Variants in MYO6 observed in about 807,000 individuals in gnomAD.
The protein encoded by MYO6 is myosin VI.
MYO6 carries 74 observed loss-of-function variants against 178.7 expected under a neutral mutation model. The observed-to-expected ratio is 0.41, with a 90% CI of 0.34 to 0.50. The LOEUF is 0.50. Among genes scored for constraint, MYO6 ranks in the 20% least tolerant of loss-of-function variants. The pLI, the probability that MYO6 is intolerant of heterozygous loss-of-function variation, is 0.09. For synonymous variants in MYO6, 477 were observed against 504.6 expected, an observed-to-expected ratio of 0.95 and a Z score of 0.73; for missense variants, 1,330 against 1,547.4, an observed-to-expected ratio of 0.86 and a Z score of 2.36.
chr6:75,842,908 C>G (rs1036583302), intron 9 of MYO6, among the ~76,000 whole-genome samples: 4 of 152,088 alleles, frequency 2.6e-5, no homozygotes, highest in Non-Finnish European at 5.9e-5. Flanking sequence ...CCTGAAAGGG[C>G]AGCTATTGAA....
Position 75,905,682 on chromosome 6 carries a change from C to T in MYO6, c.3177-1923C>T, listed in dbSNP as rs563246381. ...AAATGCAGAAATCACCCGTCTTCTG[C>T]GTCGCTCACGCTGGGAGCTGTACAT... On this transcript the variant is annotated intron_variant, in intron 30 of 34. Coordinates refer to ENST00000369977, the MANE Select transcript of MYO6 (RefSeq NM_004999.4). Among the ~76,000 whole-genome samples, 357 of 152,358 alleles carry T rather than the reference C, an allele frequency of 2.3e-3. 3 individuals carry two copies. The highest frequency in any genetic ancestry group is 3.4e-3 in the Non-Finnish European group (233 of 68,040).
intron 2 of MYO6, among the ~76,000 whole-genome samples, chr6:75,819,953 G>T (rs1050889716): frequency 1.3e-5 from 2 of 152,122 alleles, no homozygotes; most frequent in Admixed American, 6.5e-5. Context: ...TCTGGTGGCT[G>T]AAGTGCACTT....
At chr6:75,894,757 ATGTATATAT>A in intron 28 of MYO6, 1 of 1,231,716 alleles carries the variant, frequency 8.1e-7, no homozygotes, top group Non-Finnish European at 1.1e-6. Context: ...GTGTTAAAAA[ATGTATATAT>A]TATAGATAGA....
intron 1 of MYO6, among the ~76,000 whole-genome samples, chr6:75,799,912 C>T (rs1363702830): frequency 1.3e-5 from 2 of 152,128 alleles, no homozygotes; most frequent in Non-Finnish European, 2.9e-5. Flanking sequence ...AGTTATTCCC[C>T]TTCCCCCAAT....
At chr6:75,767,604 C>T (rs920740183) in intron 1 of MYO6, among the ~76,000 whole-genome samples, 1 of 147,524 alleles carries the variant, frequency 6.8e-6, no homozygotes, top group Non-Finnish European at 1.5e-5. Context: ...ATTGCAGTCT[C>T]TGTCTTCCGG....
intron 1 of MYO6, among the ~76,000 whole-genome samples, chr6:75,777,038 C>A (rs77471626): frequency 0.016 from 2,461 of 152,220 alleles, 65 homozygotes; most frequent in African/African-American, 0.057. Context: ...GGTTTTTCCT[C>A]TCTTAACAGT....
At chr6:75,824,389 A>G (rs2150190974) in intron 3 of MYO6, among the ~76,000 whole-genome samples, 1 of 152,334 alleles carries the variant, frequency 6.6e-6, no homozygotes. Context: ...AAACCACATT[A>G]TTAACACAAC....
rs185800742 is a variant in MYO6 at position 75,774,010 on chromosome 6, A to G, written c.-48+24587A>G. The stretch of plus-strand genomic sequence containing the variant: ...GGTGACTGGGAAATTTCATTTCTAG[A>G]CCTGGAATTTATGGTTGTTGTTTCT... On this transcript the variant is annotated intron_variant, in intron 1 of 34. Transcript: ENST00000369977. Among the ~76,000 whole-genome samples, 8 of 152,304 alleles carry G rather than the reference A, an allele frequency of 5.3e-5. No homozygotes were observed. The East Asian group carries it at 1.5e-3, about 29-fold the overall frequency.
At chr6:75,810,310 C>T (rs1344721399) in intron 1 of MYO6, among the ~76,000 whole-genome samples, 2 of 152,126 alleles carry the variant, frequency 1.3e-5, no homozygotes, top group Non-Finnish European at 2.9e-5. Context: ...GACAGCTTTG[C>T]AGGGCCATTT....
intron 20 of MYO6, 67 bp from the exon 21 acceptor site, chr6:75,879,753 C>A (rs561203712): frequency 1.2e-6 from 2 of 1,610,336 alleles, no homozygotes; most frequent in Admixed American, 1.7e-5. Flanking sequence ...CAAAAATGAT[C>A]ATTCACAAAT....
chr6:75,768,856 G>T (rs1360422012), intron 1 of MYO6, among the ~76,000 whole-genome samples: 1 of 152,152 alleles, frequency 6.6e-6, no homozygotes, highest in Non-Finnish European at 1.5e-5. Context: ...AATTTATAAA[G>T]AAAAGAGGTT....
chr6:75,895,623 C>T (rs3857468), intron 29 of MYO6, among the ~76,000 whole-genome samples: 115,180 of 151,450 alleles, frequency 0.76, 45,420 homozygotes, highest in Middle Eastern at 0.87. Context: ...GTTCAAGCGA[C>T]TCTCCTGCCT....
chr6:75,784,133 G>A (rs528648169), intron 1 of MYO6, among the ~76,000 whole-genome samples: 38 of 151,866 alleles, frequency 2.5e-4, no homozygotes, highest in Middle Eastern at 3.2e-3. Context: ...CACCATGCCC[G>A]GCTAATTTTT....
At chr6:75,789,586 C>T (rs1168732856) in intron 1 of MYO6, among the ~76,000 whole-genome samples, 5 of 151,722 alleles carry the variant, frequency 3.3e-5, no homozygotes, top group Non-Finnish European at 7.4e-5. Flanking sequence ...TGTTAACTGC[C>T]GCTTCGGAGA....
chr6:75,886,106 A>T lies in MYO6; in HGVS notation c.2507+12A>T. The T allele has an allele frequency of 6.4e-7, 1 of 1,567,700 alleles. No individual in the cohort carries two copies. The highest frequency in any genetic ancestry group is 8.8e-7 in the Non-Finnish European group (1 of 1,138,804). ...AGACACAAACCTCGGTAAGATGAATAGTTCCTAAAAAGAACTCTACAAAAC... is the reference window on the plus strand; with the variant it reads ...AGACACAAACCTCGGTAAGATGAATTGTTCCTAAAAAGAACTCTACAAAAC... On this transcript the variant is annotated intron_variant, in intron 24 of 34. Transcript: ENST00000369977.
chr6:75,819,034 A>C (rs1030876417), intron 2 of MYO6, among the ~76,000 whole-genome samples: 18 of 152,232 alleles, frequency 1.2e-4, no homozygotes, highest in African/African-American at 4.1e-4. Flanking sequence ...AGGTGACAAA[A>C]CAATTCAGTT....
intron 32 of MYO6, among the ~76,000 whole-genome samples, chr6:75,909,220 T>A (rs1780580583): frequency 6.6e-6 from 1 of 152,166 alleles, no homozygotes; most frequent in African/African-American, 2.4e-5. Context: ...TTAATGTAGC[T>A]CAGTTTTTAG....
intron 23 of MYO6, 69 bp from the exon 24 acceptor site, chr6:75,885,935 A>G: frequency 1.1e-6 from 1 of 918,224 alleles, no homozygotes; most frequent in Middle Eastern, 3.3e-4. Flanking sequence ...TGTGAAAATG[A>G]GTTTTTTTAA....
chr6:75,897,076 A>G (rs1779362784), intron 29 of MYO6, among the ~76,000 whole-genome samples: 1 of 152,140 alleles, frequency 6.6e-6, no homozygotes, highest in African/African-American at 2.4e-5. Flanking sequence ...ATGCAGAAAA[A>G]CACCTGTGTG....
Sources: allele counts gnomAD v4.1 joint callset (sites outside exome capture counted in the v4.1 genomes callset), GRCh38; gene constraint gnomAD v4.1.1; transcripts MANE v1.5; gene names NCBI Gene and HGNC (gene_info 2026-07-23, HGNC 2026-07-21).